TSPAN12: variants seen among roughly 807,000 people sequenced by gnomAD.
TSPAN12 encodes the protein tetraspanin 12.
Under a neutral mutation model 39.2 loss-of-function variants are expected in TSPAN12, and 19 were observed. That is an observed-to-expected ratio of 0.49 (90% CI 0.34 to 0.71). The LOEUF is 0.71. Among genes scored for constraint, TSPAN12 ranks in the 30% least tolerant of loss-of-function variants. The pLI, the probability that TSPAN12 is intolerant of heterozygous loss-of-function variation, is 0.01. For missense variants in TSPAN12, 314 were observed against 359.9 expected, an observed-to-expected ratio of 0.87 and a Z score of 1.03; for synonymous variants, 119 against 124.8, an observed-to-expected ratio of 0.95 and a Z score of 0.31.
At chr7:120,838,201 T>A (rs1457926159) in intron 4 of TSPAN12, among the ~76,000 whole-genome samples, 1 of 152,174 alleles carries the variant, frequency 6.6e-6, no homozygotes, top group African/African-American at 2.4e-5. Flanking sequence ...ATGTTAAAAA[T>A]GTTTGCCTAC....
chr7:120,847,731 T>C (rs1026084876), intron 2 of TSPAN12, among the ~76,000 whole-genome samples: 1 of 152,186 alleles, frequency 6.6e-6, no homozygotes, highest in East Asian at 1.9e-4. Flanking sequence ...GCTATCCAAC[T>C]ATAATTACTT....
At chr7:120,829,314 G>C (rs1029014845) in intron 4 of TSPAN12, among the ~76,000 whole-genome samples, 1 of 151,658 alleles carries the variant, frequency 6.6e-6, no homozygotes, top group African/African-American at 2.4e-5. Flanking sequence ...TCAAGAAAAA[G>C]CTTTCTTTAA....
At chr7:120,845,711 G>T (rs116228893) in intron 2 of TSPAN12, among the ~76,000 whole-genome samples, 218 of 152,246 alleles carry the variant, frequency 1.4e-3, no homozygotes, top group African/African-American at 4.8e-3. Flanking sequence ...GACCACATCA[G>T]TCTGGACTTC....
rs1793442227 is a variant in TSPAN12 at position 120,788,026 on chromosome 7, A to G, written c.*566T>C. 1 of 160,652 alleles carries G rather than the reference A, an allele frequency of 6.2e-6. No homozygotes were observed. Among genetic ancestry groups the G allele is most frequent in the African/African-American group, 2.4e-5 (1 of 41,508 alleles). 10.0% of individuals were successfully genotyped at this position (160,652 alleles called of 1,614,324 possible). ...AAAAAATCCCTGATCAGCTTAAGACAATGTGTTAGCTTGCTCTTTTAAGTG... is the reference window on the plus strand; with the variant it reads ...AAAAAATCCCTGATCAGCTTAAGACGATGTGTTAGCTTGCTCTTTTAAGTG... On this transcript the variant is annotated 3_prime_UTR_variant, in exon 8 of 8. Coordinates refer to ENST00000222747, the MANE Select transcript of TSPAN12 (RefSeq NM_012338.4).
At chr7:120,833,843 C>G (rs1237600056) in intron 4 of TSPAN12, among the ~76,000 whole-genome samples, 2 of 152,126 alleles carry the variant, frequency 1.3e-5, no homozygotes, top group Non-Finnish European at 2.9e-5. Flanking sequence ...CAAGGTAGAA[C>G]TGCAATAACA....
intron 7 of TSPAN12, among the ~76,000 whole-genome samples, chr7:120,790,748 A>G (rs1049212495): frequency 3.3e-5 from 5 of 152,230 alleles, no homozygotes; most frequent in African/African-American, 9.7e-5. Flanking sequence ...AATATTTTAC[A>G]TAGTTCGGGA....
intron 4 of TSPAN12, among the ~76,000 whole-genome samples, chr7:120,831,613 A>G (rs1257450596): frequency 4.7e-5 from 7 of 150,318 alleles, no homozygotes; most frequent in Admixed American, 4.6e-4. Flanking sequence ...AGAGGAATAG[A>G]GAGTAGAATG....
chr7:120,795,894 A>G (rs1413990812), intron 7 of TSPAN12, among the ~76,000 whole-genome samples: 2 of 152,184 alleles, frequency 1.3e-5, no homozygotes, highest in South Asian at 2.1e-4. Context: ...CTCTTAGGAG[A>G]ACAGAAAGAT....
intron 2 of TSPAN12, among the ~76,000 whole-genome samples, chr7:120,856,484 A>T (rs574830573): frequency 1.3e-5 from 2 of 152,380 alleles, no homozygotes; most frequent in Non-Finnish European, 2.9e-5. Flanking sequence ...TGCCAGTAGT[A>T]TCCAGGGGTG....
intron 4 of TSPAN12, among the ~76,000 whole-genome samples, chr7:120,832,055 C>A (rs1041828883): frequency 6.6e-6 from 1 of 151,950 alleles, no homozygotes; most frequent in South Asian, 2.1e-4. Flanking sequence ...TAAAAAAGTA[C>A]AAATGCTGAA....
At chr7:120,830,071 C>A (rs1371009299) in intron 4 of TSPAN12, among the ~76,000 whole-genome samples, 2 of 152,042 alleles carry the variant, frequency 1.3e-5, no homozygotes, top group African/African-American at 4.8e-5. Flanking sequence ...CCATAAAATA[C>A]TTACAAGTAA....
rs1171910750 is a variant in TSPAN12, at chr7:120,838,834, AATG to A, written c.225_227del (p.Ile76del). The A allele has an allele frequency of 1.2e-6, 2 of 1,614,016 alleles. No homozygotes were observed. The highest frequency in any genetic ancestry group is 1.7e-5 in the Admixed American group (1 of 60,026). On this transcript the variant is annotated inframe_deletion, in exon 4 of 8. Transcript: ENST00000222747. ...TTCCACAATATCCTAACATCCCCAC[AATG>A]ATAAGGAAACAGCAAACAGCAATCA...
At chr7:120,800,491 G>A (rs929857667) in intron 7 of TSPAN12, among the ~76,000 whole-genome samples, 12 of 152,104 alleles carry the variant, frequency 7.9e-5, no homozygotes, top group African/African-American at 2.4e-4. Flanking sequence ...TCCAGCTGAC[G>A]TCTGATCACC....
At chr7:120,857,452 G>GT (rs1180596343) in intron 1 of TSPAN12, 1 of 151,206 alleles carries the variant, frequency 6.6e-6, no homozygotes, top group Non-Finnish European at 1.5e-5. Context: ...CTGGGAGAAC[G>GT]TGAGAAATGA....
At position 120,856,727 on chromosome 7, in the gene TSPAN12, G is replaced by A. The variant is rs779654515; in HGVS notation, c.37C>T (p.Leu13=). ...AAGAGCAGATTGAGGGCGTAGAGCA[G>A]GCAGCGCAGACACTTCACGGAATCT... ...REDSVKCLRC[L]LYALNLLFWL... is the part of the protein sequence containing the mutation. The change falls in exon 2 of 8, where the codon CTG becomes TTG. Residue 13 remains leucine (L), a synonymous_variant. Coordinates refer to ENST00000222747, the MANE Select transcript of TSPAN12 (RefSeq NM_012338.4). 2.5e-6 allele frequency: 4 copies of A among 1,614,232 alleles called. No homozygotes were observed. The South Asian group carries it at 4.4e-5, about 18-fold the overall frequency.
chr7:120,842,773 G>A (rs1794602861), intron 2 of TSPAN12, among the ~76,000 whole-genome samples: 1 of 151,988 alleles, frequency 6.6e-6, no homozygotes, highest in African/African-American at 2.4e-5. Context: ...AAATACAAAT[G>A]TATTTCGATA....
intron 2 of TSPAN12, among the ~76,000 whole-genome samples, chr7:120,840,355 C>A (rs1794554336): frequency 1.3e-5 from 2 of 152,170 alleles, no homozygotes; most frequent in African/African-American, 4.8e-5. Flanking sequence ...ATCCCAGGTT[C>A]AGGACAGAAA....
intron 4 of TSPAN12, among the ~76,000 whole-genome samples, chr7:120,838,176 C>T (rs918872101): frequency 6.6e-6 from 1 of 152,106 alleles, no homozygotes; most frequent in Admixed American, 6.5e-5. Context: ...GTATTTTAAT[C>T]AACTCAATTT....
chr7:120,792,344 C>T (rs61648214), intron 7 of TSPAN12, among the ~76,000 whole-genome samples: 1,958 of 152,330 alleles, frequency 0.013, 21 homozygotes, highest in African/African-American at 0.03. Flanking sequence ...GAACAGCCTC[C>T]GGTCCCTCCC....
Sources: allele counts gnomAD v4.1 joint callset (sites outside exome capture counted in the v4.1 genomes callset), GRCh38; gene constraint gnomAD v4.1.1; transcripts MANE v1.5; gene names NCBI Gene and HGNC (gene_info 2026-07-23, HGNC 2026-07-21).